TLL1: variants seen among roughly 807,000 people sequenced by gnomAD.
TLL1 encodes tolloid-like protein 1.
TLL1 carries 49 observed loss-of-function variants against 128.2 expected under a neutral mutation model. The ratio of observed to expected loss-of-function variants is 0.38; its 90% CI spans 0.30 to 0.48. TLL1 has a LOEUF of 0.48. Among genes scored for constraint, TLL1 ranks in the 20% least tolerant of loss-of-function variants. The probability of loss-of-function intolerance (pLI) is 0.96; values close to 1 mark genes in which losing one functional copy is unlikely to be tolerated. For missense variants in TLL1, 1,123 were observed against 1,242.0 expected, an observed-to-expected ratio of 0.90 and a Z score of 1.44; for synonymous variants, 454 against 418.8, an observed-to-expected ratio of 1.08 and a Z score of -1.03.
intron 16 of TLL1, among the ~76,000 whole-genome samples, chr4:166,067,168 T>C (rs1740611032): frequency 6.6e-6 from 1 of 151,670 alleles, no homozygotes. Flanking sequence ...CCTGCACACA[T>C]CCCACATGAA....
chr4:165,873,841 C>A lies in TLL1; in HGVS notation c.-64C>A. 1 of 1,595,762 alleles carries A rather than the reference C, an allele frequency of 6.3e-7. No homozygotes were observed. On this transcript the variant is annotated 5_prime_UTR_variant, in exon 1 of 21. Transcript: ENST00000061240. ...CACCGGTGCCCCTAGCCCCGCACAT[C>A]AGCGCGGACCGCGGCTGCCTAACCT...
chr4:165,909,030 C>T (rs955437034), intron 1 of TLL1, among the ~76,000 whole-genome samples: 8 of 152,064 alleles, frequency 5.3e-5, no homozygotes, highest in Admixed American at 5.2e-4. Flanking sequence ...AACCCCATCT[C>T]TACTAAGAAT....
At chr4:165,978,395 C>A (rs1735987599) in intron 1 of TLL1, among the ~76,000 whole-genome samples, 1 of 151,768 alleles carries the variant, frequency 6.6e-6, no homozygotes, top group Admixed American at 6.6e-5. Flanking sequence ...TTTAATTAAC[C>A]TCCCCAATTT....
intron 18 of TLL1, among the ~76,000 whole-genome samples, chr4:166,086,524 G>A (rs188147085): frequency 6.6e-6 from 1 of 152,040 alleles, no homozygotes; most frequent in African/African-American, 2.4e-5. Context: ...GATGTGGAGG[G>A]CTAAAAGGCT....
At chr4:165,948,636 A>G (rs1207966150) in intron 1 of TLL1, among the ~76,000 whole-genome samples, 1 of 152,154 alleles carries the variant, frequency 6.6e-6, no homozygotes, top group Admixed American at 6.6e-5. Flanking sequence ...ATGCTAGCCC[A>G]GGCTTCTCTT....
At chr4:165,981,767 C>A (rs1378776652) in intron 1 of TLL1, among the ~76,000 whole-genome samples, 1 of 151,984 alleles carries the variant, frequency 6.6e-6, no homozygotes, top group East Asian at 1.9e-4. Flanking sequence ...TACCAGGATG[C>A]AAATTATGAT....
intron 12 of TLL1, among the ~76,000 whole-genome samples, chr4:166,051,405 T>C (rs1237504450): frequency 6.6e-6 from 1 of 151,892 alleles, no homozygotes; most frequent in Admixed American, 6.6e-5. Flanking sequence ...GGTGTTCTTT[T>C]ACTGATGAAG....
intron 1 of TLL1, among the ~76,000 whole-genome samples, chr4:165,883,830 C>T (rs535965770): frequency 1.3e-5 from 2 of 152,210 alleles, no homozygotes; most frequent in East Asian, 1.9e-4. Flanking sequence ...CAGAGGCAAC[C>T]GATAGAAACA....
At chr4:165,935,989 T>C (rs905927202) in intron 1 of TLL1, among the ~76,000 whole-genome samples, 1 of 151,986 alleles carries the variant, frequency 6.6e-6, no homozygotes, top group Non-Finnish European at 1.5e-5. Flanking sequence ...TGTGTTCTTT[T>C]ATCAGGACAC....
At chr4:165,985,567 T>A (rs1273813069) in intron 1 of TLL1, among the ~76,000 whole-genome samples, 1 of 151,932 alleles carries the variant, frequency 6.6e-6, no homozygotes, top group Non-Finnish European at 1.5e-5. Context: ...TTTTCAGAAA[T>A]CACAAACTTA....
At chr4:166,019,441 A>G (rs1699182690) in intron 8 of TLL1, among the ~76,000 whole-genome samples, 2 of 152,210 alleles carry the variant, frequency 1.3e-5, no homozygotes, top group South Asian at 4.1e-4. Flanking sequence ...AAATTAAAAA[A>G]TAAAAGAAAT....
chr4:165,903,958 T>A (rs1253329376), intron 1 of TLL1, among the ~76,000 whole-genome samples: 2 of 152,130 alleles, frequency 1.3e-5, no homozygotes, highest in East Asian at 3.9e-4. Flanking sequence ...CACCATTATA[T>A]TTCAGGAAAA....
intron 5 of TLL1, among the ~76,000 whole-genome samples, chr4:166,001,732 G>A (rs1433266296): frequency 6.7e-6 from 1 of 150,356 alleles, no homozygotes; most frequent in Admixed American, 6.7e-5. Context: ...GGGAGGCAAA[G>A]TTTGCAGTGG....
In TLL1 at chr4:165,992,807, G is replaced by T; in HGVS notation, c.284G>T (p.Gly95Val). 6.2e-7 allele frequency: 1 copy of T among 1,613,028 alleles called. No homozygotes were observed. Among genetic ancestry groups the T allele is most frequent in the African/African-American group, 1.3e-5 (1 of 74,990 alleles). The change falls in exon 3 of 21, where the codon GGA becomes GTA. Residue 95 changes from glycine to valine, a missense_variant. By Grantham distance (109) the Gly-to-Val change is moderately radical (BLOSUM62 -3). This residue lies in a region of TLL1 where 480 missense variants were observed against 542.4 expected (regional missense o/e 0.89). Coordinates refer to ENST00000061240, the MANE Select transcript of TLL1 (RefSeq NM_012464.5). ...PFGNLGHTTG[G>V]LGDHAMSKKR... ...TTGTTTCCTTTTATTCTTTAAGGTG[G>T]ACTTGGAGACCATGCTATGTCAAAG... is the stretch of plus-strand genomic sequence containing the variant.
At chr4:165,884,397 C>T (rs1579439729) in intron 1 of TLL1, among the ~76,000 whole-genome samples, 1 of 152,250 alleles carries the variant, frequency 6.6e-6, no homozygotes, top group East Asian at 1.9e-4. Flanking sequence ...TTGTGGGGAG[C>T]ACTGCAACTT....
chr4:165,876,459 T>C (rs1380137065), intron 1 of TLL1, among the ~76,000 whole-genome samples: 1 of 152,146 alleles, frequency 6.6e-6, no homozygotes, highest in Non-Finnish European at 1.5e-5. Flanking sequence ...CCTTTCCAAA[T>C]AACAGATTGG....
rs1742371652 is a variant in TLL1, at chr4:166,103,322, G to A, written c.*2446G>A. On this transcript the variant is annotated 3_prime_UTR_variant, in exon 21 of 21. Coordinates refer to ENST00000061240, the MANE Select transcript of TLL1 (RefSeq NM_012464.5). ...CTTTTTAAGAACAGCATGAAATTTAGAATACCAATGATAGCTATCTTTAAG... is the reference window on the plus strand; with the variant it reads ...CTTTTTAAGAACAGCATGAAATTTAAAATACCAATGATAGCTATCTTTAAG... 1 of 151,140 alleles carries A rather than the reference G, an allele frequency of 6.6e-6. No homozygotes were observed. The highest frequency in any genetic ancestry group is 2.4e-5 in the African/African-American group (1 of 41,366). 9.4% of individuals were successfully genotyped at this position (151,140 alleles called of 1,614,324 possible).
intron 19 of TLL1, among the ~76,000 whole-genome samples, chr4:166,097,798 G>A (rs1241595010): frequency 6.6e-6 from 1 of 152,044 alleles, no homozygotes; most frequent in Non-Finnish European, 1.5e-5. Flanking sequence ...CAGTGGTTTT[G>A]CTTCTCCAGA....
intron 18 of TLL1, among the ~76,000 whole-genome samples, chr4:166,080,476 C>A (rs1741237536): frequency 6.6e-6 from 1 of 152,112 alleles, no homozygotes; most frequent in Admixed American, 6.6e-5. Context: ...ATGTTAAATT[C>A]GTAGTTCCTT....
Sources: gnomAD v4.1 joint callset for allele counts (sites outside exome capture counted in the v4.1 genomes callset) on GRCh38, gnomAD v4.1.1 for gene constraint, gnomAD v4.1.1 regional missense constraint, MANE v1.5 for transcripts, NCBI Gene and HGNC (gene_info 2026-07-23, HGNC 2026-07-21) for gene names.